Variants in MET observed in about 807,000 individuals in gnomAD.
MET encodes MET proto-oncogene, receptor tyrosine kinase, also known as hepatocyte growth factor receptor.
A neutral mutation model predicts 133.1 loss-of-function variants in MET; 48 were observed. The observed-to-expected ratio is 0.36, with a 90% CI of 0.29 to 0.46. The LOEUF is 0.46. Ranked by LOEUF, MET falls within the 20% of genes least tolerant of loss-of-function variation. The pLI, the probability that MET is intolerant of heterozygous loss-of-function variation, is 1.00. For missense variants in MET, 1,442 were observed against 1,695.9 expected (o/e 0.85, Z 2.63); for synonymous variants, 628 against 616.5 (o/e 1.02, Z -0.28).
chr7:116,737,934 G>A (rs1195259259), intron 3 of MET, among the ~76,000 whole-genome samples: 1 of 152,074 alleles, frequency 6.6e-6, no homozygotes, highest in Non-Finnish European at 1.5e-5. Context: ...CAAGAAGGTA[G>A]GAGAAAAAAA....
intron 10 of MET, among the ~76,000 whole-genome samples, chr7:116,762,441 G>T (rs1008435047): frequency 9.9e-5 from 15 of 152,136 alleles, no homozygotes; most frequent in African/African-American, 3.6e-4. Context: ...AAAGTATTTT[G>T]CACAGAACCT....
At chr7:116,737,178 C>A (rs1793247334) in intron 3 of MET, among the ~76,000 whole-genome samples, 1 of 152,178 alleles carries the variant, frequency 6.6e-6, no homozygotes, top group Non-Finnish European at 1.5e-5. Flanking sequence ...CATGTGCCTT[C>A]CTGTCTTCTC....
chr7:116,697,134 C>T (rs758511772), intron 1 of MET, among the ~76,000 whole-genome samples: 1 of 152,216 alleles, frequency 6.6e-6, no homozygotes, highest in Non-Finnish European at 1.5e-5. Context: ...AGCCTAACTT[C>T]CCAGTGCAGT....
At chr7:116,778,136 G>T (rs1465274653) in intron 16 of MET, among the ~76,000 whole-genome samples, 2 of 152,116 alleles carry the variant, frequency 1.3e-5, no homozygotes, top group African/African-American at 4.8e-5. Context: ...CTTTATTGGT[G>T]ACCCCAAGCC....
chr7:116,690,388 T>A (rs1033829824), intron 1 of MET, among the ~76,000 whole-genome samples: 51 of 152,114 alleles, frequency 3.4e-4, no homozygotes, highest in Admixed American at 2.0e-4. Flanking sequence ...TGTCTGACAC[T>A]AAAGCCCACA....
At chr7:116,710,396 AG>A (rs1791950309) in intron 2 of MET, among the ~76,000 whole-genome samples, 1 of 152,226 alleles carries the variant, frequency 6.6e-6, no homozygotes, top group Non-Finnish European at 1.5e-5. Flanking sequence ...TGCTTTGAAA[AG>A]TAATACCGTA....
chr7:116,688,707 T>C (rs936327777), intron 1 of MET, among the ~76,000 whole-genome samples: 6 of 152,374 alleles, frequency 3.9e-5, no homozygotes, highest in South Asian at 2.1e-4. Flanking sequence ...CTTGAGGATA[T>C]AATGGCATTC....
chr7:116,704,922 A>T (rs555582967), intron 2 of MET, among the ~76,000 whole-genome samples: 8 of 152,250 alleles, frequency 5.3e-5, no homozygotes, highest in African/African-American at 1.7e-4. Context: ...AATATCATTT[A>T]TACTCAAATT....
intron 2 of MET, among the ~76,000 whole-genome samples, chr7:116,701,461 T>G (rs1584879861): frequency 6.6e-6 from 1 of 152,172 alleles, no homozygotes; most frequent in Admixed American, 6.5e-5. Flanking sequence ...TGCTGAAATG[T>G]CTGGGACACT....
At chr7:116,746,112 A>C (rs891198886) in intron 5 of MET, among the ~76,000 whole-genome samples, 31 of 152,206 alleles carry the variant, frequency 2.0e-4, no homozygotes, top group African/African-American at 7.0e-4. Flanking sequence ...ATCAACAAGT[A>C]GGCAAAGGAT....
At chr7:116,680,779 A>G (rs1796325928) in intron 1 of MET, among the ~76,000 whole-genome samples, 1 of 152,040 alleles carries the variant, frequency 6.6e-6, no homozygotes, top group South Asian at 2.1e-4. Flanking sequence ...CCCCTCTTAA[A>G]AAAATTACAA....
At chr7:116,770,480 T>G (rs1794796507) in intron 12 of MET, among the ~76,000 whole-genome samples, 1 of 152,196 alleles carries the variant, frequency 6.6e-6, no homozygotes, top group Admixed American at 6.5e-5. Flanking sequence ...TGCATTAATT[T>G]CATTCACAGT....
At chr7:116,677,003 T>G (rs372974164) in intron 1 of MET, among the ~76,000 whole-genome samples, 6 of 151,858 alleles carry the variant, frequency 4.0e-5, no homozygotes, top group Admixed American at 6.6e-5. Flanking sequence ...TTTTTTTGTT[T>G]TTTTGTTTTG....
At chr7:116,789,879 C>T (rs1795430912) in intron 19 of MET, among the ~76,000 whole-genome samples, 1 of 152,132 alleles carries the variant, frequency 6.6e-6, no homozygotes, top group Non-Finnish European at 1.5e-5. Context: ...TAAACGTGTG[C>T]CATGGTGGTT....
chr7:116,775,242 TTTCTG>T, intron 15 of MET, 131 bp downstream of exon 15: 4 of 847,708 alleles, frequency 4.7e-6, no homozygotes, highest in Non-Finnish European at 7.7e-6. Flanking sequence ...GTGTACTTGA[TTTCTG>T]TTCTATAGAA....
chr7:116,760,238 G>T (rs954714202), intron 10 of MET, among the ~76,000 whole-genome samples: 1 of 152,102 alleles, frequency 6.6e-6, no homozygotes. Flanking sequence ...AGCAGCTGAC[G>T]TATGCTTTCT....
At chr7:116,771,735 T>C in intron 13 of MET, 81 bp downstream of exon 13, 1 of 1,608,190 alleles carries the variant, frequency 6.2e-7, no homozygotes, top group South Asian at 1.1e-5. Flanking sequence ...TCGATTCTTG[T>C]GTGCTGTCTT....
chr7:116,693,033 T>C (rs1033618759), intron 1 of MET, among the ~76,000 whole-genome samples: 2 of 152,210 alleles, frequency 1.3e-5, no homozygotes, highest in African/African-American at 4.8e-5. Context: ...CAAAAATATA[T>C]GAAAAGTGAA....
At chr7:116,744,444 T>C (rs1793585032) in intron 5 of MET, among the ~76,000 whole-genome samples, 1 of 151,914 alleles carries the variant, frequency 6.6e-6, no homozygotes, top group African/African-American at 2.4e-5. Flanking sequence ...ATGTCAGAGA[T>C]TGAATATCAA....
Sources: gnomAD v4.1 joint callset for allele counts (sites outside exome capture counted in the v4.1 genomes callset) on GRCh38, gnomAD v4.1.1 for gene constraint, MANE v1.5 for transcripts, NCBI Gene and HGNC (gene_info 2026-07-23, HGNC 2026-07-21) for gene names.